Variants in CORO2B observed in about 807,000 individuals in gnomAD.
The protein encoded by CORO2B is coronin 2B.
CORO2B carries 26 observed loss-of-function variants against 58.8 expected under a neutral mutation model. The observed-to-expected ratio is 0.44, with a 90% CI of 0.32 to 0.61. The LOEUF (loss-of-function observed/expected upper bound fraction) is 0.61, where lower values mean the gene tolerates loss of function less well. Among genes scored for constraint, CORO2B ranks in the 20% least tolerant of loss-of-function variants. The probability of loss-of-function intolerance (pLI) is 0.04; values close to 1 mark genes in which losing one functional copy is unlikely to be tolerated. For missense variants in CORO2B, 460 were observed against 645.1 expected (o/e 0.71, Z 3.11); for synonymous variants, 242 against 253.8 (o/e 0.95, Z 0.44).
At chr15:68,590,690 G>A (rs1429316707) in intron 1 of CORO2B, among the ~76,000 whole-genome samples, 1 of 152,172 alleles carries the variant, frequency 6.6e-6, no homozygotes, top group African/African-American at 2.4e-5. Context: ...CCCCCTGAGG[G>A]GGTAATAATG....
the CORO2B span, among the ~76,000 whole-genome samples, chr15:68,521,896 C>T: frequency 1.3e-5 from 2 of 151,934 alleles, no homozygotes; most frequent in African/African-American, 2.4e-5. Context: ...GGCAAAACCC[C>T]GTCTCCAATG....
At chr15:68,724,493 T>C (rs1250237212) in intron 11 of CORO2B, among the ~76,000 whole-genome samples, 1 of 152,210 alleles carries the variant, frequency 6.6e-6, no homozygotes, top group Non-Finnish European at 1.5e-5. Flanking sequence ...CTCTGTAGTG[T>C]GTCGGTTTAA....
chr15:68,684,218 C>T (rs78837396), intron 2 of CORO2B, among the ~76,000 whole-genome samples: 1 of 152,144 alleles, frequency 6.6e-6, no homozygotes, highest in Non-Finnish European at 1.5e-5. Context: ...CTAAAAACCC[C>T]AGGAGATTAC....
At chr15:68,548,672 C>T in the CORO2B span, among the ~76,000 whole-genome samples, 1 of 152,232 alleles carries the variant, frequency 6.6e-6, no homozygotes, top group African/African-American at 2.4e-5. Flanking sequence ...TACTAATTTA[C>T]ACTCCTCCCA....
the CORO2B span, among the ~76,000 whole-genome samples, chr15:68,555,651 A>G: frequency 2.0e-5 from 3 of 152,262 alleles, no homozygotes; most frequent in South Asian, 4.1e-4. Flanking sequence ...CCGTTTCTGC[A>G]TCTTGATGAA....
Position 68,645,388 on chromosome 15 carries a change from T to C in CORO2B, c.216+28T>C. 1 of 1,603,262 alleles carries C rather than the reference T, an allele frequency of 6.2e-7. No homozygotes were observed. Among genetic ancestry groups the C allele is most frequent in the Non-Finnish European group, 8.5e-7 (1 of 1,176,584 alleles). On this transcript the variant is annotated intron_variant, in intron 2 of 11. Coordinates refer to ENST00000261861, the MANE Select transcript of CORO2B (RefSeq NM_006091.5). This position sits in a 1 kb window ranked among gnomAD's most constrained non-coding sequence, Gnocchi z 4.5. ...AGGTGGCCCCTACCTTCACTCCAGCTGCAGCTCCAGGGCAGAGAGGAGCCC... is the reference window on the plus strand; with the variant it reads ...AGGTGGCCCCTACCTTCACTCCAGCCGCAGCTCCAGGGCAGAGAGGAGCCC...
chr15:68,551,993 C>T, the CORO2B span, among the ~76,000 whole-genome samples: 160 of 151,942 alleles, frequency 1.1e-3, 2 homozygotes, highest in Non-Finnish European at 4.6e-4. Context: ...GCAGGGAGCA[C>T]GGAGATGCCT....
At chr15:68,607,635 TA>T (rs929168202) in intron 1 of CORO2B, among the ~76,000 whole-genome samples, 1 of 151,694 alleles carries the variant, frequency 6.6e-6, no homozygotes, top group African/African-American at 2.4e-5. Context: ...CTGGGTGACA[TA>T]GCGAGAACCC....
chr15:68,544,803 C>T, the CORO2B span, among the ~76,000 whole-genome samples: 3 of 147,986 alleles, frequency 2.0e-5, no homozygotes, highest in Admixed American at 6.8e-5. Context: ...TTGAGATGGA[C>T]TCTCGCTCTG....
At chr15:68,562,893 C>A in the CORO2B span, among the ~76,000 whole-genome samples, 26 of 150,002 alleles carry the variant, frequency 1.7e-4, no homozygotes, top group Non-Finnish European at 3.3e-4. Context: ...AGGAGAATGG[C>A]GTGAACCCGG....
intron 2 of CORO2B, among the ~76,000 whole-genome samples, chr15:68,689,370 G>A (rs937103): frequency 0.63 from 95,729 of 151,584 alleles, 32,276 homozygotes; most frequent in East Asian, 0.94. Flanking sequence ...CCGACCATCT[G>A]AACAGTCATT....
chr15:68,556,207 C>T, the CORO2B span, among the ~76,000 whole-genome samples: 5 of 152,160 alleles, frequency 3.3e-5, no homozygotes, highest in Non-Finnish European at 7.4e-5. Context: ...GACAGGGATG[C>T]GTGGCAGGAA....
intron 2 of CORO2B, among the ~76,000 whole-genome samples, chr15:68,694,937 G>A (rs1178123065): frequency 6.6e-6 from 1 of 152,198 alleles, no homozygotes; most frequent in Non-Finnish European, 1.5e-5. Context: ...GAACCATTCA[G>A]TCTTGGGGAG....
rs1901386298 is a variant in CORO2B, at chr15:68,645,279, C to A, written c.135C>A (p.Phe45Leu). The change falls in exon 2 of 12, where the codon TTC (phenylalanine) becomes TTA (leucine). Residue 45 changes from phenylalanine to leucine, a missense_variant. By Grantham distance (22) the Phe-to-Leu change is conservative (BLOSUM62 0). This residue lies in a region of CORO2B where 352 missense variants were observed against 543.0 expected (regional missense o/e 0.65). Transcript: ENST00000261861. This position sits in a 1 kb window ranked among gnomAD's most constrained non-coding sequence, Gnocchi z 4.5. The stretch of plus-strand genomic sequence containing the variant: ...CCAAGAATGTGCACGACAACCACTT[C>A]TGTGCCGTCAACACCCGCTTCCTGG... ...PITKNVHDNHFCAVNTRFLAI... is the reference protein window; with the variant it reads ...PITKNVHDNHLCAVNTRFLAI... 5 of 1,614,214 alleles carry A rather than the reference C, an allele frequency of 3.1e-6. No individual in the cohort carries two copies. The highest frequency in any genetic ancestry group is 4.2e-6 in the Non-Finnish European group (5 of 1,180,050).
the CORO2B span, among the ~76,000 whole-genome samples, chr15:68,540,269 T>A: frequency 6.6e-6 from 1 of 152,224 alleles, no homozygotes; most frequent in Non-Finnish European, 1.5e-5. Context: ...ATACAATATT[T>A]AAAAAACAAC....
chr15:68,719,256 C>T, intron 10 of CORO2B, 22 bp downstream of exon 10: 1 of 1,611,092 alleles, frequency 6.2e-7, no homozygotes, highest in Non-Finnish European at 8.5e-7. Context: ...GGGGGCTCCA[C>T]AGAGCACAGG....
At chr15:68,632,218 G>A (rs868746212) in intron 1 of CORO2B, 1 of 985,496 alleles carries the variant, frequency 1.0e-6, no homozygotes, top group South Asian at 4.7e-5. Flanking sequence ...CATCCACACG[G>A]CCCATCTGTG....
At chr15:68,635,517 C>A (rs1901005876) in intron 1 of CORO2B, among the ~76,000 whole-genome samples, 2 of 152,160 alleles carry the variant, frequency 1.3e-5, no homozygotes. Flanking sequence ...GATTCTACCA[C>A]CCCCAGGGCA....
At chr15:68,639,208 C>T (rs971186555) in intron 1 of CORO2B, among the ~76,000 whole-genome samples, 1 of 152,160 alleles carries the variant, frequency 6.6e-6, no homozygotes, top group Non-Finnish European at 1.5e-5. Context: ...CTCTTGCCCC[C>T]CTACCATACT....
Sources: gnomAD v4.1 joint callset for allele counts (sites outside exome capture counted in the v4.1 genomes callset) on GRCh38, gnomAD v4.1.1 for gene constraint, gnomAD v4.1.1 regional missense constraint, Gnocchi (gnomAD v3.1) non-coding constraint, MANE v1.5 for transcripts, NCBI Gene and HGNC (gene_info 2026-07-23, HGNC 2026-07-21) for gene names.